SLC9A9: variants seen among roughly 807,000 people sequenced by gnomAD.
SLC9A9 encodes sodium/hydrogen exchanger 9.
SLC9A9 carries 62 observed loss-of-function variants against 77.8 expected under a neutral mutation model. The ratio of observed to expected loss-of-function variants is 0.80; its 90% confidence interval spans 0.65 to 0.98. The LOEUF is 0.98. SLC9A9 is among the 50% of genes least tolerant of loss of function. The probability of loss-of-function intolerance (pLI) is 0.00; values close to 1 mark genes in which losing one functional copy is unlikely to be tolerated. For missense variants in SLC9A9, 775 were observed against 774.9 expected, an observed-to-expected ratio of 1.00 and a Z score of 0.00; for synonymous variants, 320 against 283.5, an observed-to-expected ratio of 1.13 and a Z score of -1.29.
chr3:143,844,749 CTTTCTTT>C (rs1344194394), intron 1 of SLC9A9, among the ~76,000 whole-genome samples: 13 of 146,618 alleles, frequency 8.9e-5, no homozygotes, highest in South Asian at 6.8e-4. Flanking sequence ...TTCTTTCTTT[CTTTCTTT>C]CTTTCTTTCT....
At position 143,427,452 on chromosome 3, in the gene SLC9A9, T is replaced by C. The variant is rs77476377; in HGVS notation, c.1469+39585A>G. Among the ~76,000 whole-genome samples, 891 of 152,340 alleles carry C rather than the reference T, an allele frequency of 5.8e-3. 7 individuals carry two copies. The highest frequency in any genetic ancestry group is 7.7e-3 in the Non-Finnish European group (524 of 68,030). ...ATCTCATGTAGAGAAGCAAGTGATC[T>C]CCAATAATTAGCAAGTAATCTACTT... On this transcript the variant is annotated intron_variant, in intron 12 of 15. Transcript: ENST00000316549.
chr3:143,572,832 A>C (rs1264215485), intron 8 of SLC9A9, among the ~76,000 whole-genome samples: 4 of 152,212 alleles, frequency 2.6e-5, no homozygotes, highest in African/African-American at 4.8e-5. Flanking sequence ...CATTACTAAA[A>C]AGATTTGCCA....
chr3:143,631,740 A>G (rs891679539), intron 6 of SLC9A9, among the ~76,000 whole-genome samples: 1 of 152,020 alleles, frequency 6.6e-6, no homozygotes, highest in African/African-American at 2.4e-5. Context: ...ATGTATCTAC[A>G]CTCTCCCAAT....
intron 14 of SLC9A9, among the ~76,000 whole-genome samples, chr3:143,333,750 T>C (rs1241705284): frequency 6.6e-6 from 1 of 152,274 alleles, no homozygotes; most frequent in African/African-American, 2.4e-5. Flanking sequence ...TGAAACAAAG[T>C]AAGAGATGCT....
chr3:143,354,231 C>G (rs536085312), intron 14 of SLC9A9, among the ~76,000 whole-genome samples: 1 of 152,198 alleles, frequency 6.6e-6, no homozygotes, highest in Non-Finnish European at 1.5e-5. Flanking sequence ...GTTACGAAAT[C>G]GCTGTTCCTC....
intron 14 of SLC9A9, among the ~76,000 whole-genome samples, chr3:143,288,496 G>T (rs1170066080): frequency 4.6e-5 from 7 of 152,154 alleles, no homozygotes; most frequent in Non-Finnish European, 8.8e-5. Context: ...CTGGTCCTCT[G>T]AATTACAAAA....
At chr3:143,499,503 AT>A (rs1313233264) in intron 9 of SLC9A9, among the ~76,000 whole-genome samples, 1 of 152,102 alleles carries the variant, frequency 6.6e-6, no homozygotes, top group Non-Finnish European at 1.5e-5. Flanking sequence ...GCCTTAGTAA[AT>A]TTAGTTAATA....
chr3:143,802,112 G>T (rs1214658037), intron 2 of SLC9A9, among the ~76,000 whole-genome samples: 1 of 151,948 alleles, frequency 6.6e-6, no homozygotes, highest in Non-Finnish European at 1.5e-5. Context: ...CCTTCTCATC[G>T]GTCACTTCCA....
intron 4 of SLC9A9, among the ~76,000 whole-genome samples, chr3:143,791,177 A>G (rs2008212735): frequency 6.6e-6 from 1 of 152,248 alleles, no homozygotes; most frequent in Admixed American, 6.5e-5. Context: ...GGGAGAGGGT[A>G]CTAGAGAAGG....
At chr3:143,589,015 G>A (rs2108676348) in intron 6 of SLC9A9, among the ~76,000 whole-genome samples, 3 of 152,308 alleles carry the variant, frequency 2.0e-5, no homozygotes, top group Admixed American at 2.0e-4. Flanking sequence ...AGCCACCAAA[G>A]ATGGAAATCC....
intron 2 of SLC9A9, among the ~76,000 whole-genome samples, chr3:143,824,556 A>G (rs911702696): frequency 6.6e-6 from 1 of 152,166 alleles, no homozygotes; most frequent in African/African-American, 2.4e-5. Flanking sequence ...CTGGATTACA[A>G]ATGCTTGTGC....
chr3:143,372,751 CG>C (rs1310090989), intron 13 of SLC9A9, among the ~76,000 whole-genome samples: 2 of 151,958 alleles, frequency 1.3e-5, no homozygotes, highest in Non-Finnish European at 2.9e-5. Context: ...GGAACTCAAA[CG>C]GATCAAGAAA....
rs759560315 is a variant in SLC9A9 at position 143,376,537 on chromosome 3, G to A, written c.1524+5523C>T. ...TATATATACACATAGGTATATAATT[G>A]TTAATCACTTAATATATAAAAATGC... On this transcript the variant is annotated intron_variant, in intron 13 of 15. Transcript: ENST00000316549. Among the ~76,000 whole-genome samples the A allele has an allele frequency of 5.3e-5, 8 of 152,200 alleles. No homozygotes were observed. The South Asian group carries it at 6.2e-4, about 12-fold the overall frequency.
chr3:143,727,723 A>G (rs1428281515), intron 4 of SLC9A9, among the ~76,000 whole-genome samples: 1 of 152,184 alleles, frequency 6.6e-6, no homozygotes, highest in Admixed American at 6.5e-5. Context: ...AATAAAACGA[A>G]TTATTTTACT....
chr3:143,368,140 C>A (rs914735327), intron 13 of SLC9A9, among the ~76,000 whole-genome samples: 2 of 152,068 alleles, frequency 1.3e-5, no homozygotes, highest in Non-Finnish European at 2.9e-5. Context: ...CATTTGATAT[C>A]TTTTTCTCCT....
intron 13 of SLC9A9, among the ~76,000 whole-genome samples, chr3:143,369,035 A>G (rs1366336334): frequency 6.6e-6 from 1 of 152,198 alleles, no homozygotes; most frequent in African/African-American, 2.4e-5. Flanking sequence ...CCTAGAGAGA[A>G]AAAAACTGAG....
intron 6 of SLC9A9, among the ~76,000 whole-genome samples, chr3:143,579,329 C>T (rs970229483): frequency 5.3e-5 from 8 of 152,152 alleles, no homozygotes; most frequent in African/African-American, 1.9e-4. Flanking sequence ...GCAACAGCTG[C>T]CCAAGGTCAT....
chr3:143,609,967 T>C (rs1211062502), intron 6 of SLC9A9, among the ~76,000 whole-genome samples: 1 of 152,180 alleles, frequency 6.6e-6, no homozygotes, highest in Middle Eastern at 3.2e-3. Context: ...TATTTGATTA[T>C]ATTCAAAATT....
intron 14 of SLC9A9, among the ~76,000 whole-genome samples, chr3:143,323,771 T>A (rs1171460233): frequency 6.6e-6 from 1 of 152,224 alleles, no homozygotes; most frequent in Admixed American, 6.5e-5. Flanking sequence ...ATTTTAAATG[T>A]ACTCTATATT....
Sources: gnomAD v4.1 joint callset for allele counts (sites outside exome capture counted in the v4.1 genomes callset) on GRCh38, gnomAD v4.1.1 for gene constraint, MANE v1.5 for transcripts, NCBI Gene and HGNC (gene_info 2026-07-23, HGNC 2026-07-21) for gene names.